HMGCLL1: variants seen among roughly 807,000 people sequenced by gnomAD.
HMGCLL1 encodes the protein 3-hydroxymethyl-3-methylglutaryl-CoA lyase, cytoplasmic.
In HMGCLL1, 36 loss-of-function variants were observed where a neutral mutation model predicts 39.1. The ratio of observed to expected loss-of-function variants is 0.92; its 90% CI spans 0.71 to 1.22. The LOEUF (loss-of-function observed/expected upper bound fraction) is 1.22, where lower values mean the gene tolerates loss of function less well. HMGCLL1 is among the 50% of genes most tolerant of loss of function. The pLI is 0.00. For synonymous variants in HMGCLL1, 149 were observed against 144.0 expected (o/e 1.03, Z -0.25); for missense variants, 451 against 416.5 (o/e 1.08, Z -0.72).
At chr6:55,469,553 A>C (rs1408001924) in intron 7 of HMGCLL1, among the ~76,000 whole-genome samples, 3 of 151,200 alleles carry the variant, frequency 2.0e-5, no homozygotes, top group Non-Finnish European at 3.0e-5. Context: ...GAGGGAGAAA[A>C]GAAGGGAAGG....
chr6:55,451,495 T>C (rs1280439750), intron 7 of HMGCLL1, among the ~76,000 whole-genome samples: 2 of 151,980 alleles, frequency 1.3e-5, no homozygotes, highest in South Asian at 2.1e-4. Context: ...CGGTGGTGTA[T>C]GCTGAGATCG....
intron 7 of HMGCLL1, among the ~76,000 whole-genome samples, chr6:55,458,274 G>A (rs1764411406): frequency 6.6e-6 from 1 of 152,096 alleles, no homozygotes; most frequent in African/African-American, 2.4e-5. Context: ...GTATACAGTA[G>A]TAGAAAATAA....
chr6:55,614,637 T>A, the HMGCLL1 span, among the ~76,000 whole-genome samples: 1 of 152,148 alleles, frequency 6.6e-6, no homozygotes, highest in Non-Finnish European at 1.5e-5. Context: ...TAATTTAAGA[T>A]GTCAAGATAT....
At chr6:55,617,819 T>C in the HMGCLL1 span, among the ~76,000 whole-genome samples, 1 of 152,022 alleles carries the variant, frequency 6.6e-6, no homozygotes, top group East Asian at 1.9e-4. Flanking sequence ...CCCAAGAATA[T>C]ATGTACAAGT....
At chr6:55,450,889 CA>C (rs1352808014) in intron 7 of HMGCLL1, among the ~76,000 whole-genome samples, 13 of 152,120 alleles carry the variant, frequency 8.5e-5, no homozygotes, top group African/African-American at 3.1e-4. Flanking sequence ...TATCCCTTAA[CA>C]GAGATATGTT....
chr6:55,662,979 G>A, the HMGCLL1 span, among the ~76,000 whole-genome samples: 2 of 151,706 alleles, frequency 1.3e-5, no homozygotes. Context: ...TGTGCATAGA[G>A]GTGTTCACAG....
chr6:55,561,238 C>T (rs1293958727), intron 1 of HMGCLL1, among the ~76,000 whole-genome samples: 1 of 152,148 alleles, frequency 6.6e-6, no homozygotes, highest in East Asian at 1.9e-4. Flanking sequence ...ATCTAAACTA[C>T]ATTATCTTAC....
At chr6:55,529,404 A>G (rs75934807) in intron 3 of HMGCLL1, among the ~76,000 whole-genome samples, 3,570 of 152,182 alleles carry the variant, frequency 0.023, 134 homozygotes, top group African/African-American at 0.082. Context: ...CTGTAAGCCA[A>G]CTTGCACAGA....
At chr6:55,677,785 T>C in the HMGCLL1 span, among the ~76,000 whole-genome samples, 2 of 152,232 alleles carry the variant, frequency 1.3e-5, no homozygotes, top group Non-Finnish European at 2.9e-5. Context: ...TAAGTGATAA[T>C]ATCACAGTAA....
chr6:55,570,493 C>T (rs1196073093), intron 1 of HMGCLL1, among the ~76,000 whole-genome samples: 1 of 152,144 alleles, frequency 6.6e-6, no homozygotes, highest in African/African-American at 2.4e-5. Context: ...AAAGTCCCTG[C>T]TTTTGGAATC....
chr6:55,447,813 G>A (rs1045898575), intron 7 of HMGCLL1, among the ~76,000 whole-genome samples: 7 of 152,058 alleles, frequency 4.6e-5, no homozygotes, highest in African/African-American at 1.7e-4. Context: ...TGCTTCATAT[G>A]GTTAGTATGA....
chr6:55,594,928 T>C, the HMGCLL1 span, among the ~76,000 whole-genome samples: 1 of 152,350 alleles, frequency 6.6e-6, no homozygotes, highest in South Asian at 2.1e-4. Flanking sequence ...GTAAACACTC[T>C]GGATATTGTG....
chr6:55,562,335 T>A (rs749730332), intron 1 of HMGCLL1, among the ~76,000 whole-genome samples: 2 of 152,162 alleles, frequency 1.3e-5, no homozygotes, highest in Non-Finnish European at 2.9e-5. Context: ...AATTTTTCTA[T>A]CCTTCTTTAA....
intron 7 of HMGCLL1, among the ~76,000 whole-genome samples, chr6:55,483,328 C>T (rs1581840081): frequency 6.6e-6 from 1 of 152,128 alleles, no homozygotes. Flanking sequence ...TGCAGTGGCA[C>T]GATTTCTGCT....
the HMGCLL1 span, among the ~76,000 whole-genome samples, chr6:55,640,169 G>A: frequency 6.6e-6 from 1 of 152,056 alleles, no homozygotes; most frequent in African/African-American, 2.4e-5. Flanking sequence ...GGAGATAAGA[G>A]GAGGAGAAAT....
intron 7 of HMGCLL1, among the ~76,000 whole-genome samples, chr6:55,494,787 G>A (rs57555928): frequency 0.032 from 4,839 of 152,066 alleles, 260 homozygotes; most frequent in African/African-American, 0.11. Context: ...AATAATACTC[G>A]TTTAATGCTA....
intron 3 of HMGCLL1, among the ~76,000 whole-genome samples, chr6:55,522,476 A>C (rs918996169): frequency 5.3e-5 from 8 of 151,974 alleles, no homozygotes; most frequent in African/African-American, 1.4e-4. Context: ...ATGTTCAATA[A>C]AGTGAAATAA....
intron 7 of HMGCLL1, among the ~76,000 whole-genome samples, chr6:55,463,222 G>A (rs182171853): frequency 6.6e-6 from 1 of 151,786 alleles, no homozygotes; most frequent in Admixed American, 6.6e-5. Flanking sequence ...AGTAGAGACG[G>A]GGTTTCACTA....
the HMGCLL1 span, among the ~76,000 whole-genome samples, chr6:55,616,261 C>T: frequency 3.3e-5 from 5 of 152,002 alleles, 1 homozygote; most frequent in Admixed American, 6.6e-5. Flanking sequence ...CTTCATAAAC[C>T]CTTGCCTACT....
Sources: gnomAD v4.1 joint callset for allele counts (sites outside exome capture counted in the v4.1 genomes callset) on GRCh38, gnomAD v4.1.1 for gene constraint, MANE v1.5 for transcripts, NCBI Gene and HGNC (gene_info 2026-07-23, HGNC 2026-07-21) for gene names.